PDE7B: variants seen among roughly 807,000 people sequenced by gnomAD.
PDE7B encodes phosphodiesterase 7B, also known as 3',5'-cyclic-AMP phosphodiesterase 7B.
PDE7B carries 29 observed loss-of-function variants against 56.2 expected under a neutral mutation model. The ratio of observed to expected loss-of-function variants is 0.52; its 90% CI spans 0.38 to 0.70. The LOEUF is 0.70. Among genes scored for constraint, PDE7B ranks in the 30% least tolerant of loss-of-function variants. The pLI is 0.00. For synonymous variants in PDE7B, 197 were observed against 196.9 expected (o/e 1.00, Z 0.00); for missense variants, 490 against 565.0 (o/e 0.87, Z 1.35).
chr6:135,875,382 TCA>T (rs1339590040), intron 1 of PDE7B, among the ~76,000 whole-genome samples: 2 of 152,084 alleles, frequency 1.3e-5, no homozygotes, highest in African/African-American at 4.8e-5. Flanking sequence ...GCAGATACAC[TCA>T]CATTTTTAGC....
chr6:136,142,854 T>C (rs1372988689), intron 3 of PDE7B, among the ~76,000 whole-genome samples: 1 of 115,726 alleles, frequency 8.6e-6, no homozygotes, highest in Admixed American at 8.6e-5. Flanking sequence ...TCTCTGCACA[T>C]GAATGGGTTT....
intron 1 of PDE7B, among the ~76,000 whole-genome samples, chr6:135,918,836 T>C (rs1178079177): frequency 6.6e-6 from 1 of 152,180 alleles, no homozygotes. Context: ...TGAAATATAG[T>C]ATCTAACATT....
chr6:136,081,463 G>A (rs1210402986), intron 2 of PDE7B, among the ~76,000 whole-genome samples: 1 of 152,140 alleles, frequency 6.6e-6, no homozygotes, highest in Non-Finnish European at 1.5e-5. Flanking sequence ...TTTGTTGGGG[G>A]GATGGTGGTT....
intron 3 of PDE7B, among the ~76,000 whole-genome samples, chr6:136,115,128 G>A (rs758811073): frequency 1.3e-5 from 2 of 152,192 alleles, no homozygotes; most frequent in African/African-American, 2.4e-5. Context: ...GGGATTTACA[G>A]TAGCATAAGC....
At chr6:136,076,807 T>C (rs1228790825) in intron 2 of PDE7B, among the ~76,000 whole-genome samples, 4 of 152,108 alleles carry the variant, frequency 2.6e-5, no homozygotes, top group Non-Finnish European at 5.9e-5. Flanking sequence ...GGGGAAGGAA[T>C]GATGCACTAT....
At chr6:136,064,138 T>C (rs1201292505) in intron 2 of PDE7B, among the ~76,000 whole-genome samples, 1 of 152,212 alleles carries the variant, frequency 6.6e-6, no homozygotes, top group Non-Finnish European at 1.5e-5. Context: ...TACTCTGGGA[T>C]TTGTTTTAGC....
In PDE7B at chr6:136,109,604, A is replaced by T. The variant is rs1562495322; in HGVS notation, c.166+790A>T. 2.6e-5 allele frequency among the ~76,000 whole-genome samples: 4 copies of T among 152,176 alleles called. No individual in the cohort carries two copies. In the South Asian group the frequency reaches 8.3e-4, roughly 32 times the overall value. On this transcript the variant is annotated intron_variant, in intron 3 of 12. Coordinates refer to ENST00000308191, the MANE Select transcript of PDE7B (RefSeq NM_018945.4). ...TCTTCACCAGGGCAAAATCCAAAGC[A>T]CTTGCTGCTTTCTCCCTTGAATCTT...
chr6:135,980,697 T>A (rs1775278921), intron 2 of PDE7B, among the ~76,000 whole-genome samples: 2 of 150,994 alleles, frequency 1.3e-5, no homozygotes. Context: ...TCACCATCAC[T>A]GGCCATCAGA....
intron 1 of PDE7B, among the ~76,000 whole-genome samples, chr6:135,911,619 G>GC (rs1776213709): frequency 2.0e-5 from 3 of 152,114 alleles, no homozygotes. Flanking sequence ...CTATCTATGT[G>GC]TTTTTGTGTT....
At chr6:135,925,503 C>A (rs1774167731) in intron 1 of PDE7B, among the ~76,000 whole-genome samples, 1 of 152,054 alleles carries the variant, frequency 6.6e-6, no homozygotes, top group Non-Finnish European at 1.5e-5. Flanking sequence ...GCAAGACATG[C>A]AAACTAGTGA....
chr6:135,960,271 C>T (rs1774877196), intron 2 of PDE7B, among the ~76,000 whole-genome samples: 1 of 152,132 alleles, frequency 6.6e-6, no homozygotes, highest in South Asian at 2.1e-4. Flanking sequence ...TCCCTTGTAG[C>T]AACTGTACCA....
chr6:136,164,244 G>C (rs1778757538), intron 8 of PDE7B, among the ~76,000 whole-genome samples: 1 of 152,158 alleles, frequency 6.6e-6, no homozygotes, highest in African/African-American at 2.4e-5. Flanking sequence ...GGAAGGAGAA[G>C]TGCCAAGCCA....
intron 8 of PDE7B, among the ~76,000 whole-genome samples, chr6:136,157,202 T>C (rs1351826683): frequency 6.6e-6 from 1 of 152,150 alleles, no homozygotes; most frequent in African/African-American, 2.4e-5. Flanking sequence ...GCCTCTGAAA[T>C]TCATATTGAT....
chr6:135,945,515 T>G (rs1285648756), intron 1 of PDE7B, among the ~76,000 whole-genome samples: 1 of 152,014 alleles, frequency 6.6e-6, no homozygotes, highest in African/African-American at 2.4e-5. Context: ...TAAAAAAAAA[T>G]GGATTGATTT....
At chr6:136,117,861 C>T (rs1219608491) in intron 3 of PDE7B, among the ~76,000 whole-genome samples, 1 of 152,118 alleles carries the variant, frequency 6.6e-6, no homozygotes, top group Non-Finnish European at 1.5e-5. Flanking sequence ...GCCTCTTCTA[C>T]CATGGTTGCC....
intron 2 of PDE7B, among the ~76,000 whole-genome samples, chr6:136,036,618 AAC>A (rs779954325): frequency 1.3e-5 from 2 of 152,196 alleles, no homozygotes; most frequent in Non-Finnish European, 2.9e-5. Context: ...ATGAAAATAA[AAC>A]ACACTCTACA....
chr6:135,982,294 G>A (rs1055877975), intron 2 of PDE7B, among the ~76,000 whole-genome samples: 9 of 152,198 alleles, frequency 5.9e-5, no homozygotes, highest in Non-Finnish European at 1.0e-4. Flanking sequence ...GGAACTGGAA[G>A]TAAGAACAAG....
At chr6:136,141,597 G>T (rs1254215005) in intron 3 of PDE7B, among the ~76,000 whole-genome samples, 1 of 152,084 alleles carries the variant, frequency 6.6e-6, no homozygotes, top group Non-Finnish European at 1.5e-5. Context: ...ATCTGGTCCT[G>T]GACTTTTTTT....
intron 10 of PDE7B, among the ~76,000 whole-genome samples, chr6:136,179,980 C>T (rs1171594605): frequency 5.3e-5 from 8 of 152,158 alleles, no homozygotes; most frequent in African/African-American, 1.7e-4. Context: ...ACCTGGTATC[C>T]AAACCAGAAC....
Sources: allele counts gnomAD v4.1 joint callset (sites outside exome capture counted in the v4.1 genomes callset), GRCh38; gene constraint gnomAD v4.1.1; transcripts MANE v1.5; gene names NCBI Gene and HGNC (gene_info 2026-07-23, HGNC 2026-07-21).